Variants in FARP1 observed in about 807,000 individuals in gnomAD.
FARP1 encodes FERM, ARH/RhoGEF and pleckstrin domain protein 1, also known as FERM, ARHGEF and pleckstrin domain-containing protein 1.
In FARP1, 52 loss-of-function variants were observed where a neutral mutation model predicts 128.8. The observed-to-expected ratio is 0.40, with a 90% CI of 0.32 to 0.51. The LOEUF (loss-of-function observed/expected upper bound fraction) is 0.51. FARP1 is among the 20% of genes least tolerant of loss of function. The pLI is 0.45. For missense variants in FARP1, 1,333 were observed against 1,367.9 expected (o/e 0.97, Z 0.40); for synonymous variants, 580 against 551.8 (o/e 1.05, Z -0.72).
intron 1 of FARP1, chr13:98,177,236 T>C: frequency 5.8e-6 from 9 of 1,546,652 alleles, no homozygotes; most frequent in African/African-American, 1.4e-5. Flanking sequence ...GGCGCTGCCA[T>C]GTTTGAGTCT....
chr13:98,400,084 C>A (rs1292811726), intron 13 of FARP1: 1 of 152,176 alleles, frequency 6.6e-6, no homozygotes, highest in African/African-American at 2.4e-5. Flanking sequence ...TATCTCCCCC[C>A]AATTGTGCCA....
intron 2 of FARP1, among the ~76,000 whole-genome samples, chr13:98,225,578 G>T (rs7996397): frequency 0.011 from 1,667 of 152,174 alleles, 39 homozygotes; most frequent in African/African-American, 0.038. Flanking sequence ...AGACTTTCCC[G>T]TCAGGACCCT....
chr13:98,261,833 G>A (rs1308408404), intron 2 of FARP1, among the ~76,000 whole-genome samples: 1 of 151,998 alleles, frequency 6.6e-6, no homozygotes, highest in African/African-American at 2.4e-5. Context: ...TGTTGCTGTG[G>A]GGAGGGCATC....
chr13:98,211,193 T>C (rs1201479169), intron 1 of FARP1, among the ~76,000 whole-genome samples: 1 of 152,108 alleles, frequency 6.6e-6, no homozygotes, highest in African/African-American at 2.4e-5. Flanking sequence ...GGTCCCCAGA[T>C]CCTGGGCCGT....
chr13:98,331,344 G>A (rs1481175838), intron 2 of FARP1, among the ~76,000 whole-genome samples: 3 of 152,158 alleles, frequency 2.0e-5, no homozygotes, highest in Non-Finnish European at 4.4e-5. Context: ...ACTGCCATCC[G>A]TAGTGAACCC....
In FARP1 at chr13:98,453,582, C is replaced by G. The variant is rs1024765357; in HGVS notation, c.*5265C>G. 13 of 174,810 alleles carry G rather than the reference C, an allele frequency of 7.4e-5. No individual in the cohort carries two copies. Among genetic ancestry groups the G allele is most frequent in the Non-Finnish European group, 1.3e-4 (11 of 83,582 alleles). 10.8% of individuals were successfully genotyped at this position (174,810 alleles called of 1,614,324 possible). ...TGCATATGCATTCCCGATGTGAGGGCAGGAAACCCATTTTGGCCATAAAAA... is the reference window on the plus strand; with the variant it reads ...TGCATATGCATTCCCGATGTGAGGGGAGGAAACCCATTTTGGCCATAAAAA... On this transcript the variant is annotated 3_prime_UTR_variant, in exon 27 of 27. Coordinates refer to ENST00000319562, the MANE Select transcript of FARP1 (RefSeq NM_005766.4).
intron 1 of FARP1, among the ~76,000 whole-genome samples, chr13:98,182,384 G>A (rs908988595): frequency 2.6e-5 from 4 of 151,998 alleles, no homozygotes; most frequent in Non-Finnish European, 5.9e-5. Flanking sequence ...GGAGTGCAGT[G>A]GTGCCATCAT....
intron 2 of FARP1, among the ~76,000 whole-genome samples, chr13:98,286,925 T>TA (rs1482139093): frequency 6.6e-6 from 1 of 152,214 alleles, no homozygotes; most frequent in African/African-American, 2.4e-5. Flanking sequence ...GTTTCCATGA[T>TA]ATCACATCAT....
intron 1 of FARP1, among the ~76,000 whole-genome samples, chr13:98,199,652 C>G (rs1233656131): frequency 6.6e-6 from 1 of 152,070 alleles, no homozygotes; most frequent in African/African-American, 2.4e-5. Flanking sequence ...TGACTGGTGT[C>G]GATTAGAGAA....
chr13:98,284,687 T>C (rs1337820870), intron 2 of FARP1, among the ~76,000 whole-genome samples: 1 of 152,240 alleles, frequency 6.6e-6, no homozygotes, highest in Non-Finnish European at 1.5e-5. Flanking sequence ...TCAATGTTTT[T>C]TCCTGATTAT....
intron 1 of FARP1, among the ~76,000 whole-genome samples, chr13:98,204,685 A>G (rs1880159622): frequency 1.3e-5 from 2 of 152,174 alleles, no homozygotes; most frequent in Admixed American, 6.6e-5. Context: ...TATTGGCTGC[A>G]TGTGGTGGCT....
At chr13:98,235,807 C>T (rs1180398828) in intron 2 of FARP1, among the ~76,000 whole-genome samples, 1 of 147,660 alleles carries the variant, frequency 6.8e-6, no homozygotes, top group Non-Finnish European at 1.5e-5. Flanking sequence ...ATAAACCGTA[C>T]AATTCACCTC....
chr13:98,317,140 A>G (rs549239568), intron 2 of FARP1, among the ~76,000 whole-genome samples: 1 of 152,182 alleles, frequency 6.6e-6, no homozygotes, highest in Non-Finnish European at 1.5e-5. Context: ...TGCCAAGAAG[A>G]TGGGTTATTA....
At chr13:98,369,417 A>C (rs1442638127) in intron 5 of FARP1, among the ~76,000 whole-genome samples, 1 of 148,008 alleles carries the variant, frequency 6.8e-6, no homozygotes, top group Non-Finnish European at 1.5e-5. Flanking sequence ...CACAATGTGC[A>C]GGTTAGTTAC....
At chr13:98,396,137 G>A (rs1231847319) in intron 13 of FARP1, 1 of 399,100 alleles carries the variant, frequency 2.5e-6, no homozygotes, top group African/African-American at 2.1e-5. Flanking sequence ...GGGCTTGGTG[G>A]CCGTGGGAAG....
intron 2 of FARP1, among the ~76,000 whole-genome samples, chr13:98,318,332 C>T (rs1886832720): frequency 1.3e-5 from 2 of 152,122 alleles, no homozygotes; most frequent in Non-Finnish European, 2.9e-5. Context: ...ACTGGGATTT[C>T]AGGCATGAGC....
intron 1 of FARP1, among the ~76,000 whole-genome samples, chr13:98,201,100 C>G (rs1879913589): frequency 6.6e-6 from 1 of 152,110 alleles, no homozygotes; most frequent in African/African-American, 2.4e-5. Context: ...AATTTCCCTG[C>G]TGTATTTTTG....
At chr13:98,212,419 C>T (rs941057232) in intron 1 of FARP1, among the ~76,000 whole-genome samples, 1 of 152,098 alleles carries the variant, frequency 6.6e-6, no homozygotes, top group Non-Finnish European at 1.5e-5. Context: ...AGAAAGAGGG[C>T]AAAGCACTCA....
chr13:98,232,661 T>C (rs1006142869), intron 2 of FARP1, among the ~76,000 whole-genome samples: 1 of 152,248 alleles, frequency 6.6e-6, no homozygotes, highest in Admixed American at 6.5e-5. Flanking sequence ...TACAGTATGG[T>C]GTAAACATTT....
Sources: gnomAD v4.1 joint callset for allele counts (sites outside exome capture counted in the v4.1 genomes callset) on GRCh38, gnomAD v4.1.1 for gene constraint, MANE v1.5 for transcripts, NCBI Gene and HGNC (gene_info 2026-07-23, HGNC 2026-07-21) for gene names.